RIMBP2: variants seen among roughly 807,000 people sequenced by gnomAD.
The protein encoded by RIMBP2 is RIMS binding protein 2.
Under a neutral mutation model 118.6 loss-of-function variants are expected in RIMBP2, and 48 were observed. The ratio of observed to expected loss-of-function variants is 0.40; its 90% confidence interval spans 0.32 to 0.51. RIMBP2 has a LOEUF of 0.51. Ranked by LOEUF, RIMBP2 falls within the 20% of genes least tolerant of loss-of-function variation. RIMBP2 has a pLI of 0.41. For synonymous variants in RIMBP2, 762 were observed against 742.9 expected, an observed-to-expected ratio of 1.03 and a Z score of -0.42; for missense variants, 1,551 against 1,768.3, an observed-to-expected ratio of 0.88 and a Z score of 2.20.
intron 2 of RIMBP2, among the ~76,000 whole-genome samples, chr12:130,613,951 A>G (rs375553413): frequency 6.6e-6 from 1 of 151,990 alleles, no homozygotes; most frequent in East Asian, 1.9e-4. Context: ...GCAGAGAGGG[A>G]GGGAGGCAGG....
intron 1 of RIMBP2, among the ~76,000 whole-genome samples, chr12:130,682,318 C>T (rs748435381): frequency 1.3e-5 from 2 of 152,224 alleles, no homozygotes; most frequent in Non-Finnish European, 2.9e-5. Context: ...CCTGGAGCAC[C>T]GCCAGCCCCA....
chr12:130,611,782 G>A (rs2060570972), intron 2 of RIMBP2, among the ~76,000 whole-genome samples: 1 of 152,134 alleles, frequency 6.6e-6, no homozygotes, highest in South Asian at 2.1e-4. Context: ...CGGCAAGCAG[G>A]ACACGGAACC....
intron 2 of RIMBP2, among the ~76,000 whole-genome samples, chr12:130,583,803 G>C (rs62644101): frequency 0.12 from 2,210 of 19,154 alleles, 275 homozygotes; most frequent in Middle Eastern, 0.23. Context: ...CACCACCACC[G>C]CCATCACCTC....
At chr12:130,691,095 C>T (rs1679507379) in intron 1 of RIMBP2, among the ~76,000 whole-genome samples, 1 of 152,234 alleles carries the variant, frequency 6.6e-6, no homozygotes, top group South Asian at 2.1e-4. Flanking sequence ...CCAGCCCCGA[C>T]TCAACAGGGC....
At chr12:130,661,400 G>C (rs73159163) in intron 1 of RIMBP2, among the ~76,000 whole-genome samples, 3,328 of 152,264 alleles carry the variant, frequency 0.022, 60 homozygotes, top group South Asian at 0.04. Context: ...ATACAAAAAG[G>C]CTCCTTTCCA....
At chr12:130,686,765 G>C (rs550332467) in intron 1 of RIMBP2, among the ~76,000 whole-genome samples, 1 of 152,222 alleles carries the variant, frequency 6.6e-6, no homozygotes, top group Non-Finnish European at 1.5e-5. Context: ...GCCGTCGGGG[G>C]CCTGGGGCAC....
rs1333476671 is a variant in RIMBP2, at chr12:130,442,238, C to T, written c.1114G>A (p.Glu372Lys). Reference sequence around the variant, plus strand: ...GTGCAGGCTGCCATGTTGAGCTTCTCGATGAGGGCTTTAGTTCTGCTCCCC... The same window carrying T: ...GTGCAGGCTGCCATGTTGAGCTTCTTGATGAGGGCTTTAGTTCTGCTCCCC... ...TLGSRTKALI[E>K]KLNMAACTYR... Residue 372 changes from glutamate (E) to lysine (K), a missense_variant, in exon 11 of 23, where the codon GAG becomes AAG. Coordinates refer to ENST00000690449, the MANE Select transcript of RIMBP2 (RefSeq NM_001393629.1). This position sits in a 1 kb window ranked among gnomAD's most constrained non-coding sequence, Gnocchi z 6.9. 4 of 1,614,188 alleles carry T rather than the reference C, an allele frequency of 2.5e-6. No homozygotes were observed. The highest frequency in any genetic ancestry group is 3.4e-6 in the Non-Finnish European group (4 of 1,180,044).
chr12:130,644,924 C>T (rs1010610513), intron 1 of RIMBP2, among the ~76,000 whole-genome samples: 1 of 152,200 alleles, frequency 6.6e-6, no homozygotes. Flanking sequence ...CTGCCAGCGG[C>T]AATGACCAAG....
At position 130,688,927 on chromosome 12, in the gene RIMBP2, G is replaced by A. The variant is rs988818749; in HGVS notation, c.-352+27295C>T. 6.6e-6 allele frequency among the ~76,000 whole-genome samples: 1 copy of A among 152,256 alleles called. No individual in the cohort carries two copies. Among genetic ancestry groups the A allele is most frequent in the Non-Finnish European group, 1.5e-5 (1 of 68,056 alleles). On this transcript the variant is annotated intron_variant, in intron 1 of 22. Coordinates refer to ENST00000690449, the MANE Select transcript of RIMBP2 (RefSeq NM_001393629.1). This position sits in a 1 kb window ranked among gnomAD's most constrained non-coding sequence, Gnocchi z 4.7. Reference sequence around the variant, plus strand: ...CTTGCCCAGCAGAACTGGAGCGAAGGTCGGTCGCAGGCAGCAGAGAACTGC... The same window carrying A: ...CTTGCCCAGCAGAACTGGAGCGAAGATCGGTCGCAGGCAGCAGAGAACTGC...
At chr12:130,577,539 G>C (rs552231507) in intron 2 of RIMBP2, among the ~76,000 whole-genome samples, 8 of 152,230 alleles carry the variant, frequency 5.3e-5, no homozygotes, top group African/African-American at 1.4e-4. Context: ...GAAACCACCA[G>C]AGCTCATGAG....
Position 130,413,632 on chromosome 12 carries a change from C to CA in RIMBP2, c.3420+492dup, listed in dbSNP as rs556135470. ...TGGGTGACAGAGCAAGACTCTGTCT[C>CA]AAAAAAAAAAAAAAAAAAAAAAAAG... On this transcript the variant is annotated intron_variant, in intron 18 of 22. Transcript: ENST00000690449. 8.6e-3 allele frequency among the ~76,000 whole-genome samples: 628 copies of CA among 72,920 alleles called. 2 individuals carry two copies. Among genetic ancestry groups the CA allele is most frequent in the Non-Finnish European group, 0.01 (401 of 38,606 alleles). 47.8% of individuals were successfully genotyped at this position (72,920 alleles called of 152,430 possible).
At chr12:130,530,319 G>A (rs892127363) in intron 2 of RIMBP2, among the ~76,000 whole-genome samples, 10 of 152,066 alleles carry the variant, frequency 6.6e-5, no homozygotes, top group African/African-American at 1.4e-4. Context: ...ATAATGTGTT[G>A]ACTTTAGAAC....
intron 3 of RIMBP2, among the ~76,000 whole-genome samples, chr12:130,516,943 C>G (rs2051528576): frequency 6.6e-6 from 1 of 152,088 alleles, no homozygotes; most frequent in Non-Finnish European, 1.5e-5. Context: ...AAGATGACCA[C>G]AGTGGAGAGG....
chr12:130,687,117 G>T (rs1186707947), intron 1 of RIMBP2, among the ~76,000 whole-genome samples: 1 of 152,160 alleles, frequency 6.6e-6, no homozygotes, highest in Non-Finnish European at 1.5e-5. Flanking sequence ...TCAGCGCCCA[G>T]ATCCTGCTGC....
At chr12:130,416,878 C>G (rs572074726) in intron 17 of RIMBP2, among the ~76,000 whole-genome samples, 42 of 152,050 alleles carry the variant, frequency 2.8e-4, no homozygotes, top group African/African-American at 9.6e-4. Flanking sequence ...CAAAAAATGA[C>G]TCCATTAAAA....
chr12:130,616,155 C>T (rs1174667548), intron 2 of RIMBP2, among the ~76,000 whole-genome samples: 2 of 152,194 alleles, frequency 1.3e-5, no homozygotes, highest in South Asian at 4.1e-4. Context: ...ACGTTTCCCA[C>T]CAGACAAATG....
At chr12:130,588,770 C>T (rs1358989729) in intron 2 of RIMBP2, among the ~76,000 whole-genome samples, 10 of 152,346 alleles carry the variant, frequency 6.6e-5, no homozygotes, top group African/African-American at 2.4e-4. Flanking sequence ...ACATGAATAT[C>T]GGTTCATTCC....
rs559258244 is a variant in RIMBP2, at chr12:130,640,270, CACTT to C, written c.-351-11818_-351-11815del. Among the ~76,000 whole-genome samples, 17 of 152,326 alleles carry C rather than the reference CACTT, an allele frequency of 1.1e-4. 1 individual carries two copies. The South Asian group carries it at 2.7e-3, about 24-fold the overall frequency. On this transcript the variant is annotated intron_variant, in intron 1 of 22. Coordinates refer to ENST00000690449, the MANE Select transcript of RIMBP2 (RefSeq NM_001393629.1). Reference sequence around the variant, plus strand: ...GCGATGCTTTGCATTTAATTAAACACACTTACCGCTCAAGAGCAATTTCATCAGC... The same window carrying C: ...GCGATGCTTTGCATTTAATTAAACACACCGCTCAAGAGCAATTTCATCAGC...
intron 2 of RIMBP2, among the ~76,000 whole-genome samples, chr12:130,534,690 G>A (rs1396795199): frequency 1.3e-5 from 2 of 152,232 alleles, no homozygotes; most frequent in East Asian, 1.9e-4. Context: ...GTTCACCCAT[G>A]TCATAGATTC....
Sources: gnomAD v4.1 joint callset for allele counts (sites outside exome capture counted in the v4.1 genomes callset) on GRCh38, gnomAD v4.1.1 for gene constraint, Gnocchi (gnomAD v3.1) non-coding constraint, MANE v1.5 for transcripts, NCBI Gene and HGNC (gene_info 2026-07-23, HGNC 2026-07-21) for gene names.